The following MN1 variants were observed in gnomAD, a reference collection of about 807,000 sequenced individuals.
MN1 encodes MN1 proto-oncogene, transcriptional regulator, also known as transcriptional activator MN1.
In MN1, 19 loss-of-function variants were observed where a neutral mutation model predicts 86.9. That is an observed-to-expected ratio of 0.22 (90% CI 0.15 to 0.32). The LOEUF is 0.32. MN1 is among the 10% of genes least tolerant of loss of function. The pLI is 1.00. For synonymous variants in MN1, 928 were observed against 849.6 expected, an observed-to-expected ratio of 1.09 and a Z score of -1.60; for missense variants, 1,841 against 1,862.0, an observed-to-expected ratio of 0.99 and a Z score of 0.21.
chr22:27,770,596 C>T (rs999225484), intron 1 of MN1, among the ~76,000 whole-genome samples: 1 of 152,152 alleles, frequency 6.6e-6, no homozygotes, highest in Non-Finnish European at 1.5e-5. Context: ...CAGATACAAG[C>T]ATAAACTGAA....
chr22:27,758,020 G>A (rs148434969), intron 1 of MN1, among the ~76,000 whole-genome samples: 45 of 152,076 alleles, frequency 3.0e-4, no homozygotes, highest in African/African-American at 9.9e-4. Flanking sequence ...TCTCCTGCCT[G>A]CAGCTGCCAC....
Position 27,797,102 on chromosome 22 carries a change from C to T in MN1, c.3442G>A (p.Asp1148Asn), listed in dbSNP as rs755137457. The change falls in exon 1 of 2, where the codon GAC (aspartate) becomes AAC (asparagine). Residue 1148 changes from aspartate to asparagine, a missense_variant. Asp to Asn is a conservative substitution (Grantham distance 23). Transcript: ENST00000302326. ...AGGATCTCCAGGGGGTGGATCTCGT[C>T]GGGTGGCGGGGCGCCGCTGCTGCTC... is the stretch of plus-strand genomic sequence containing the variant. The part of the protein sequence containing the change: ...PTSSSGAPPP[D>N]EIHPLEILQA... The T allele has an allele frequency of 6.2e-7, 1 of 1,601,470 alleles. No individual in the cohort carries two copies. The highest frequency in any genetic ancestry group is 1.1e-5 in the South Asian group (1 of 89,448).
chr22:27,797,029 T>A lies in MN1; in HGVS notation c.3515A>T (p.Asp1172Val). Residue 1172 changes from aspartate (D) to valine (V), a missense_variant, in exon 1 of 2, where the codon GAC (aspartate) becomes GTC (valine). Transcript: ENST00000302326. ...LQRQQFSISE[D>V]QPLGLKGGKK... is the part of the protein sequence containing the mutation. ...GCCACCCTTCAGCCCCAGAGGCTGG[T>A]CCTCGGAGATGCTGAACTGCTGCCT... 6.2e-7 allele frequency: 1 copy of A among 1,612,450 alleles called. No homozygotes were observed. The highest frequency in any genetic ancestry group is 1.3e-5 in the African/African-American group (1 of 75,028).
rs1555883107 is a variant in MN1, at chr22:27,785,752, C to CCG, written c.3781+11010_3781+11011insCG. On this transcript the variant is annotated intron_variant, in intron 1 of 1. Coordinates refer to ENST00000302326, the MANE Select transcript of MN1 (RefSeq NM_002430.3). ...TGATACAGGTAACAGGTGTGCCCCC[C>CCG]CCCCATGGCCCCTCCCAGCCCCACC... Among the ~76,000 whole-genome samples the CCG allele has an allele frequency of 2.6e-3, 371 of 142,064 alleles. 4 individuals carry two copies. Among genetic ancestry groups the CCG allele is most frequent in the African/African-American group, 9.0e-3 (358 of 39,878 alleles). 93.2% of individuals were successfully genotyped at this position (142,064 alleles called of 152,430 possible).
chr22:27,798,705 C>G lies in MN1; in HGVS notation c.1839G>C (p.Gly613=). Residue 613 remains glycine (G), a synonymous_variant, in exon 1 of 2, where the codon GGG becomes GGC. Transcript: ENST00000302326. Reference sequence around the variant, plus strand: ...CCTGCTGCTCGAAGGTGCCCAGACGCCCGGCGCCCGTGCTGCCGCCTTCGC... The same window carrying G: ...CCTGCTGCTCGAAGGTGCCCAGACGGCCGGCGCCCGTGCTGCCGCCTTCGC... ...FEREGGSTGA[G]RLGTFEQQAP... is the part of the protein sequence containing the mutation. 6.5e-7 allele frequency: 1 copy of G among 1,535,284 alleles called. No individual in the cohort carries two copies. The highest frequency in any genetic ancestry group is 8.7e-7 in the Non-Finnish European group (1 of 1,147,132).
intron 1 of MN1, among the ~76,000 whole-genome samples, chr22:27,773,331 G>C (rs867745785): frequency 2.0e-5 from 3 of 152,212 alleles, no homozygotes; most frequent in Non-Finnish European, 2.9e-5. Context: ...ATATTAAACA[G>C]CTCCTGGGGA....
intron 1 of MN1, among the ~76,000 whole-genome samples, chr22:27,760,202 G>T (rs1033147607): frequency 6.6e-6 from 1 of 152,144 alleles, no homozygotes; most frequent in Non-Finnish European, 1.5e-5. Context: ...AAAATTAGCC[G>T]GGAGTAGTGG....
chr22:27,799,590 A>T lies in MN1; in HGVS notation c.954T>A (p.Ser318Arg). ...GACCCACAGGCATCTTTCTGGCCCC[A>T]CTGAACCTCTCAAAGAACACACCAT... ...QQHGVFFERF[S>R]GARKMPVGLE... Residue 318 changes from serine to arginine, a missense_variant, in exon 1 of 2, where the codon AGT becomes AGA. Physicochemically the swap from Ser to Arg is moderately radical, Grantham distance 110 (BLOSUM62 -1). Coordinates refer to ENST00000302326, the MANE Select transcript of MN1 (RefSeq NM_002430.3). 6.6e-7 allele frequency: 1 copy of T among 1,525,320 alleles called. No individual in the cohort carries two copies. The highest frequency in any genetic ancestry group is 8.8e-7 in the Non-Finnish European group (1 of 1,134,348). The allele number at this position is 1,525,320 out of a possible 1,614,324, so 94.5% of individuals were successfully genotyped here.
Position 27,750,236 on chromosome 22 carries a change from T to C in MN1, c.*679A>G, listed in dbSNP as rs1010318015. ...GGAACTGAAGGCTGAGCACTGTGTT[T>C]GCAGGAATGAAAATATATTTTCTTA... On this transcript the variant is annotated 3_prime_UTR_variant, in exon 2 of 2. Coordinates refer to ENST00000302326, the MANE Select transcript of MN1 (RefSeq NM_002430.3). The C allele has an allele frequency of 8.7e-6, 2 of 231,150 alleles. No homozygotes were observed. Among genetic ancestry groups the C allele is most frequent in the African/African-American group, 4.4e-5 (2 of 45,230 alleles). 14.3% of individuals were successfully genotyped at this position (231,150 alleles called of 1,614,324 possible). A position where few individuals can be genotyped will look rare whatever the true frequency, so the allele number is the denominator to read the frequency against.
chr22:27,797,677 C>A lies in MN1; in HGVS notation c.2867G>T (p.Gly956Val), dbSNP rs747144553. The A allele has an allele frequency of 1.0e-5, 16 of 1,606,528 alleles. No homozygotes were observed. The South Asian group carries it at 1.7e-4, about 17-fold the overall frequency. Residue 956 changes from glycine (G) to valine (V), a missense_variant, in exon 1 of 2, where the codon GGC becomes GTC. Coordinates refer to ENST00000302326, the MANE Select transcript of MN1 (RefSeq NM_002430.3). ...CGCCGAGTACTTGTCAAAGAAGGTG[C>A]CAGGGCTCACGTGACCACTGTCCCT... is the stretch of plus-strand genomic sequence containing the variant. ...RKRDSGHVSP[G>V]TFFDKYSAAP...
rs753379883 is a variant in MN1 at position 27,799,988 on chromosome 22, C to A, written c.556G>T (p.Val186Leu). Residue 186 changes from valine to leucine, a missense_variant, in exon 1 of 2, where the codon GTG becomes TTG. Physicochemically the swap from Val to Leu is conservative, Grantham distance 32. Coordinates refer to ENST00000302326, the MANE Select transcript of MN1 (RefSeq NM_002430.3). Reference protein sequence around the residue: ...FHSSGASSHAVPAPCLPLDQS... With the variant: ...FHSSGASSHALPAPCLPLDQS... ...TCCAGCGGCAGGCATGGGGCCGGCA[C>A]GGCGTGGCTGGAGGCACCTGAACTG... 1.9e-6 allele frequency: 3 copies of A among 1,603,352 alleles called. No individual in the cohort carries two copies. Among genetic ancestry groups the A allele is most frequent in the East Asian group, 4.5e-5 (2 of 44,700 alleles).
intron 1 of MN1, among the ~76,000 whole-genome samples, chr22:27,775,459 G>C (rs1480206505): frequency 1.3e-5 from 2 of 152,066 alleles, no homozygotes; most frequent in African/African-American, 4.8e-5. Flanking sequence ...TCGAGGCCTC[G>C]TTTTCCCCAT....
At chr22:27,789,758 C>T (rs1323246046) in intron 1 of MN1, among the ~76,000 whole-genome samples, 1 of 152,210 alleles carries the variant, frequency 6.6e-6, no homozygotes, top group Non-Finnish European at 1.5e-5. Flanking sequence ...GTTTAAAGGG[C>T]ATTTGGGTCC....
intron 1 of MN1, among the ~76,000 whole-genome samples, chr22:27,793,678 C>T (rs1191071384): frequency 6.6e-6 from 1 of 152,060 alleles, no homozygotes; most frequent in East Asian, 1.9e-4. Flanking sequence ...AATCATCATC[C>T]CATGTGATGT....
chr22:27,757,616 C>T (rs562740536), intron 1 of MN1, among the ~76,000 whole-genome samples: 10 of 152,280 alleles, frequency 6.6e-5, no homozygotes, highest in Middle Eastern at 3.4e-3. Context: ...TTTGGTTTTT[C>T]CTTTATTTGG....
At chr22:27,762,051 G>C (rs1007064193) in intron 1 of MN1, among the ~76,000 whole-genome samples, 1 of 152,182 alleles carries the variant, frequency 6.6e-6, no homozygotes, top group Non-Finnish European at 1.5e-5. Flanking sequence ...GACAGAGTGG[G>C]CTCCTCGCAC....
intron 1 of MN1, among the ~76,000 whole-genome samples, chr22:27,787,833 G>A (rs1933155864): frequency 6.6e-6 from 1 of 152,150 alleles, no homozygotes; most frequent in African/African-American, 2.4e-5. Flanking sequence ...GGGCCCATCT[G>A]GGTCTTCATC....
At chr22:27,776,827 G>T (rs1932984745) in intron 1 of MN1, among the ~76,000 whole-genome samples, 2 of 152,018 alleles carry the variant, frequency 1.3e-5, no homozygotes, top group Admixed American at 6.5e-5. Context: ...TTTTGTTTTT[G>T]GCAAAGAATG....
chr22:27,799,120 C>T lies in MN1; in HGVS notation c.1424G>A (p.Gly475Asp). The T allele has an allele frequency of 2.5e-6, 4 of 1,603,954 alleles. No homozygotes were observed. Among genetic ancestry groups the T allele is most frequent in the Non-Finnish European group, 3.4e-6 (4 of 1,172,876 alleles). ...AGVDRCASWN[G>D]SMHNGALDNH... ...ATCCAGAGCGCCGTTGTGCATGCTG[C>T]CGTTCCACGAAGCGCAGCGGTCCAC... The change falls in exon 1 of 2, where the codon GGC becomes GAC. Residue 475 changes from glycine (G) to aspartate (D), a missense_variant. Coordinates refer to ENST00000302326, the MANE Select transcript of MN1 (RefSeq NM_002430.3).
Sources: gnomAD v4.1 joint callset for allele counts (sites outside exome capture counted in the v4.1 genomes callset) on GRCh38, gnomAD v4.1.1 for gene constraint, MANE v1.5 for transcripts, NCBI Gene and HGNC (gene_info 2026-07-23, HGNC 2026-07-21) for gene names.